TCF4: variants seen among roughly 807,000 people sequenced by gnomAD.
The protein encoded by TCF4 is SL3-3 enhancer factor 2.
TCF4 carries 3 observed loss-of-function variants against 82.1 expected under a neutral mutation model. That is an observed-to-expected ratio of 0.04 (90% CI 0.02 to 0.09). The LOEUF is 0.09. Ranked by LOEUF, TCF4 falls within the 10% of genes least tolerant of loss-of-function variation. The pLI is 1.00. For synonymous variants in TCF4, 276 were observed against 309.6 expected, an observed-to-expected ratio of 0.89 and a Z score of 1.14; for missense variants, 518 against 852.7, an observed-to-expected ratio of 0.61 and a Z score of 4.89.
intron 6 of TCF4, among the ~76,000 whole-genome samples, chr18:55,365,425 G>A (rs1217745184): frequency 6.6e-6 from 1 of 151,534 alleles, no homozygotes; most frequent in Non-Finnish European, 1.5e-5. Context: ...TTGCTGTCGA[G>A]TGAGAACAAC....
At chr18:55,557,538 TA>T (rs761115120) in intron 3 of TCF4, among the ~76,000 whole-genome samples, 13 of 151,924 alleles carry the variant, frequency 8.6e-5, no homozygotes, top group Non-Finnish European at 1.8e-4. Context: ...AAAAGACAAT[TA>T]AAATGTAACT....
chr18:55,429,783 A>AC (rs1422991242), intron 5 of TCF4, among the ~76,000 whole-genome samples: 1 of 151,022 alleles, frequency 6.6e-6, no homozygotes, highest in African/African-American at 2.4e-5. Flanking sequence ...AAAAAAAAAA[A>AC]AAAAAACAAT....
chr18:55,322,319 A>G, intron 8 of TCF4: 1 of 1,031,452 alleles, frequency 9.7e-7, no homozygotes. Flanking sequence ...CGTATGATGC[A>G]CATCTAATAA....
Position 55,232,581 on chromosome 18 carries a change from G to A in TCF4, c.1577C>T (p.Thr526Met), listed in dbSNP as rs202025804. 1.6e-4 allele frequency: 254 copies of A among 1,613,930 alleles called. No individual in the cohort carries two copies. Among genetic ancestry groups the A allele is most frequent in the East Asian group, 2.2e-5 (1 of 44,888 alleles). The change falls in exon 17 of 20, where the codon ACG becomes ATG. Residue 526 changes from threonine (T) to methionine (M), a missense_variant. Physicochemically the swap from Thr to Met is moderately conservative, Grantham distance 81. Coordinates refer to ENST00000354452, the MANE Select transcript of TCF4 (RefSeq NM_001083962.2). ...TAATTTCTTGTCCTCCGAAGATTTC[G>A]TGTCTTGCAGGTTCTCATCACCCTC... ...DDEGDENLQD[T>M]KSSEDKKLDD...
At chr18:55,257,867 G>C (rs2057222654) in intron 13 of TCF4, among the ~76,000 whole-genome samples, 1 of 152,096 alleles carries the variant, frequency 6.6e-6, no homozygotes, top group Non-Finnish European at 1.5e-5. Flanking sequence ...AATAAGATTA[G>C]TTATCAGTGA....
rs1203187071 is a variant in TCF4, at chr18:55,559,472, T to C, written c.145+25808A>G. Among the ~76,000 whole-genome samples, 5 of 152,220 alleles carry C rather than the reference T, an allele frequency of 3.3e-5. No homozygotes were observed. In the East Asian group the frequency reaches 9.7e-4, roughly 29 times the overall value. ...ATGTTGTGTGTACATGAATATATTC[T>C]TTAAAAAAGGTTTATTAACCAAACA... On this transcript the variant is annotated intron_variant, in intron 3 of 19. Coordinates refer to ENST00000354452, the MANE Select transcript of TCF4 (RefSeq NM_001083962.2).
chr18:55,337,741 A>G (rs1011599956), intron 8 of TCF4, among the ~76,000 whole-genome samples: 1 of 152,084 alleles, frequency 6.6e-6, no homozygotes, highest in East Asian at 1.9e-4. Context: ...CAAGTGCACT[A>G]TATATTATTC....
At chr18:55,353,011 AT>A (rs1372740803) in intron 6 of TCF4, among the ~76,000 whole-genome samples, 8 of 152,078 alleles carry the variant, frequency 5.3e-5, no homozygotes, top group Non-Finnish European at 1.0e-4. Flanking sequence ...CTATTTCTTC[AT>A]TTTTCTTTCT....
chr18:55,341,374 C>T (rs1440842644), intron 8 of TCF4, among the ~76,000 whole-genome samples: 1 of 152,148 alleles, frequency 6.6e-6, no homozygotes, highest in East Asian at 1.9e-4. Flanking sequence ...TCAATAGATG[C>T]AAATGATGTA....
intron 6 of TCF4, among the ~76,000 whole-genome samples, chr18:55,394,545 C>T (rs2093373076): frequency 6.6e-6 from 1 of 152,094 alleles, no homozygotes; most frequent in Non-Finnish European, 1.5e-5. Context: ...TTCTATTCAA[C>T]GAGATCTGGT....
intron 3 of TCF4, among the ~76,000 whole-genome samples, chr18:55,471,551 G>A (rs1372709286): frequency 6.6e-6 from 1 of 152,152 alleles, no homozygotes; most frequent in Admixed American, 6.6e-5. Context: ...TAGAAAAAGT[G>A]AGGCCAAGAG....
upstream of TCF4, among the ~76,000 whole-genome samples, chr18:55,588,915 C>T (rs983866295): frequency 6.6e-6 from 1 of 151,820 alleles, no homozygotes; most frequent in African/African-American, 2.4e-5. Context: ...ACGCTAAGTC[C>T]CTGTTCGCCA....
At chr18:55,558,898 T>C (rs541945377) in intron 3 of TCF4, among the ~76,000 whole-genome samples, 71 of 152,200 alleles carry the variant, frequency 4.7e-4, no homozygotes, top group African/African-American at 1.6e-3. Context: ...TGTGTGACTC[T>C]TAATGGCAGG....
intron 6 of TCF4, among the ~76,000 whole-genome samples, chr18:55,356,404 T>C (rs1348485231): frequency 6.6e-6 from 1 of 152,190 alleles, no homozygotes; most frequent in African/African-American, 2.4e-5. Flanking sequence ...AATAAAGAAA[T>C]TGCCCAACAA....
At chr18:55,302,669 G>A (rs2068702613) in intron 8 of TCF4, 2 of 1,449,000 alleles carry the variant, frequency 1.4e-6, no homozygotes, top group Non-Finnish European at 1.8e-6. Context: ...CTGGCCTAGG[G>A]GTGGGAGGGC....
chr18:55,376,153 C>T (rs1357604657), intron 6 of TCF4, among the ~76,000 whole-genome samples: 2 of 151,454 alleles, frequency 1.3e-5, no homozygotes, highest in Non-Finnish European at 2.9e-5. Context: ...TCCTGAGTAG[C>T]TCAGACCACA....
intron 3 of TCF4, among the ~76,000 whole-genome samples, chr18:55,548,981 G>A (rs2147100161): frequency 6.6e-6 from 1 of 152,206 alleles, no homozygotes; most frequent in East Asian, 1.9e-4. Flanking sequence ...GTACATTAAG[G>A]ATACATTGAA....
At chr18:55,563,238 CAAAAAAA>C (rs74182105) in intron 3 of TCF4, among the ~76,000 whole-genome samples, 2 of 68,164 alleles carry the variant, frequency 2.9e-5, no homozygotes, top group Non-Finnish European at 5.5e-5. Flanking sequence ...GACCCTGTCT[CAAAAAAA>C]AAAAAAAAAA....
At chr18:55,414,898 C>A (rs1418730352) in intron 5 of TCF4, among the ~76,000 whole-genome samples, 13 of 152,100 alleles carry the variant, frequency 8.5e-5, no homozygotes, top group Non-Finnish European at 1.5e-4. Context: ...GCAAGGAAAC[C>A]AAAAATGCTT....
Sources: allele counts gnomAD v4.1 joint callset (sites outside exome capture counted in the v4.1 genomes callset), GRCh38; gene constraint gnomAD v4.1.1; transcripts MANE v1.5; gene names NCBI Gene and HGNC (gene_info 2026-07-23, HGNC 2026-07-21).